The following LEPROTL1 variants were observed in gnomAD, a reference collection of about 807,000 sequenced individuals.
LEPROTL1 encodes the protein leptin receptor overlapping transcript like 1.
In LEPROTL1, 6 loss-of-function variants were observed where a neutral mutation model predicts 15.4. That is an observed-to-expected ratio of 0.39 (90% confidence interval 0.21 to 0.77). LEPROTL1 has a LOEUF of 0.77. Among genes scored for constraint, LEPROTL1 ranks in the 30% least tolerant of loss-of-function variants. The probability of loss-of-function intolerance (pLI) is 0.41; values close to 1 mark genes in which losing one functional copy is unlikely to be tolerated. For synonymous variants in LEPROTL1, 56 were observed against 52.6 expected (o/e 1.06, Z -0.28); for missense variants, 128 against 158.1 (o/e 0.81, Z 1.02).
chr8:30,112,747 G>T (rs1802674446), downstream of LEPROTL1, among the ~76,000 whole-genome samples: 1 of 151,868 alleles, frequency 6.6e-6, no homozygotes, highest in South Asian at 2.1e-4. Context: ...GATACTAATA[G>T]TATCTACCTC....
At chr8:30,132,942 C>T in intron 4 of LEPROTL1, 1 of 1,474,232 alleles carries the variant, frequency 6.8e-7, no homozygotes, top group East Asian at 2.5e-5. Flanking sequence ...TAAAAACACT[C>T]TGTATTTATT....
intron 3 of LEPROTL1, among the ~76,000 whole-genome samples, chr8:30,127,634 A>G (rs1408577369): frequency 1.3e-5 from 2 of 150,680 alleles, no homozygotes; most frequent in African/African-American, 4.9e-5. Flanking sequence ...GTGCCACTGC[A>G]TGCCAGCCTA....
chr8:30,122,884 A>T (rs1311425328), intron 3 of LEPROTL1, among the ~76,000 whole-genome samples: 2 of 152,194 alleles, frequency 1.3e-5, no homozygotes, highest in Non-Finnish European at 2.9e-5. Flanking sequence ...ACAGTTACCT[A>T]TTGCAGCATA....
At chr8:30,118,019 G>GGTGGT (rs751348725) in intron 3 of LEPROTL1, among the ~76,000 whole-genome samples, 8 of 26,772 alleles carry the variant, frequency 3.0e-4, no homozygotes, top group Non-Finnish European at 4.2e-4. Flanking sequence ...TTTTTGATTT[G>GGTGGT]TTTTTTTTTT....
chr8:30,115,643 C>A (rs1341223128), intron 3 of LEPROTL1, among the ~76,000 whole-genome samples: 1 of 129,394 alleles, frequency 7.7e-6, no homozygotes, highest in East Asian at 2.4e-4. Context: ...AAGGAAAAGA[C>A]AAAAGGCCCA....
downstream of LEPROTL1, among the ~76,000 whole-genome samples, chr8:30,110,367 G>A (rs187365315): frequency 7.3e-5 from 11 of 151,714 alleles, no homozygotes; most frequent in East Asian, 1.9e-4. Context: ...GCAGTACTCC[G>A]TGTGTGTGTG....
In LEPROTL1 at chr8:30,095,487, G is replaced by A; in HGVS notation, c.-26G>A. ...GCTGCTGCCGCCGCCGCCTCGGGTC[G>A]TGGAGCCAGGAGCGACGTCACCGCC... On this transcript the variant is annotated 5_prime_UTR_variant, in exon 1 of 4. It adds an upstream start codon to the 5' untranslated region. Coordinates refer to ENST00000321250, the MANE Select transcript of LEPROTL1 (RefSeq NM_015344.3). 2 of 1,463,580 alleles carry A rather than the reference G, an allele frequency of 1.4e-6. No individual in the cohort carries two copies. The highest frequency in any genetic ancestry group is 1.8e-6 in the Non-Finnish European group (2 of 1,112,086). 90.7% of individuals were successfully genotyped at this position (1,463,580 alleles called of 1,614,324 possible).
At position 30,120,635 on chromosome 8, in the gene LEPROTL1, A is replaced by G. The variant is rs138681680; in HGVS notation, c.280-11740A>G. ...AACCTTCGCCTCTCCGGCTTGAGCA[A>G]TCCTCCTGTCTCAGCCTCCCATGTA... On this transcript the variant is annotated intron_variant, in intron 3 of 4. Coordinates refer to the LEPROTL1 transcript ENST00000442880. Among the ~76,000 whole-genome samples, 5 of 152,164 alleles carry G rather than the reference A, an allele frequency of 3.3e-5. 1 individual carries two copies. The highest frequency in any genetic ancestry group is 4.8e-5 in the African/African-American group (2 of 41,504).
chr8:30,101,042 A>T (rs1050459630), intron 1 of LEPROTL1, among the ~76,000 whole-genome samples: 2 of 152,234 alleles, frequency 1.3e-5, no homozygotes, highest in Admixed American at 1.3e-4. Context: ...AACTATTTAA[A>T]GATTTGCAAC....
At chr8:30,136,343 T>C (rs1194806955) in intron 4 of LEPROTL1, among the ~76,000 whole-genome samples, 1 of 152,140 alleles carries the variant, frequency 6.6e-6, no homozygotes, top group Non-Finnish European at 1.5e-5. Context: ...CACGCGGACA[T>C]ACAGGGACAC....
intron 3 of LEPROTL1, among the ~76,000 whole-genome samples, chr8:30,115,859 C>T (rs1438652627): frequency 6.6e-6 from 1 of 151,734 alleles, no homozygotes; most frequent in East Asian, 1.9e-4. Context: ...ATTATAATAC[C>T]CAGGTAGTAC....
intron 2 of LEPROTL1, among the ~76,000 whole-genome samples, chr8:30,102,821 A>C (rs1802492178): frequency 6.6e-6 from 1 of 152,158 alleles, no homozygotes; most frequent in Non-Finnish European, 1.5e-5. Flanking sequence ...GCCTCACTCA[A>C]AACTAAACAA....
chr8:30,132,474 C>G (rs1180573105), exon 4 of LEPROTL1: 1 of 1,551,720 alleles, frequency 6.4e-7, no homozygotes, highest in Non-Finnish European at 8.7e-7. Flanking sequence ...CGTCCAGGAT[C>G]CAGTGGGAGT....
downstream of LEPROTL1, among the ~76,000 whole-genome samples, chr8:30,112,339 G>A (rs896287496): frequency 4.7e-5 from 7 of 147,880 alleles, no homozygotes; most frequent in Admixed American, 1.4e-4. Context: ...GGGTTCAAGC[G>A]ATTGTCCTGG....
At chr8:30,132,483 G>T in exon 4 of LEPROTL1, 1 of 1,551,754 alleles carries the variant, frequency 6.4e-7, no homozygotes, top group Non-Finnish European at 8.7e-7. Context: ...TCCAGTGGGA[G>T]TAGTAGGTGA....
At chr8:30,111,572 G>A (rs1478582751), downstream of LEPROTL1, among the ~76,000 whole-genome samples, 1 of 152,184 alleles carries the variant, frequency 6.6e-6, no homozygotes, top group African/African-American at 2.4e-5. Flanking sequence ...GTTCCCAGTG[G>A]CAGTTACATG....
At chr8:30,133,113 C>T (rs1282043483) in intron 4 of LEPROTL1, among the ~76,000 whole-genome samples, 1 of 152,014 alleles carries the variant, frequency 6.6e-6, no homozygotes, top group Non-Finnish European at 1.5e-5. Flanking sequence ...CATGGGGTCT[C>T]ACTATGTTGC....
At chr8:30,103,908 G>A (rs973286815) in intron 2 of LEPROTL1, among the ~76,000 whole-genome samples, 7 of 152,102 alleles carry the variant, frequency 4.6e-5, no homozygotes, top group Middle Eastern at 3.4e-3. Flanking sequence ...AAGAAGTTGT[G>A]AAAATCATAC....
intron 3 of LEPROTL1, among the ~76,000 whole-genome samples, chr8:30,119,253 T>C (rs1312306256): frequency 6.6e-6 from 1 of 152,152 alleles, no homozygotes; most frequent in Non-Finnish European, 1.5e-5. Context: ...GAGCTCAAGG[T>C]TGGGGCAAAG....
Sources: gnomAD v4.1 joint callset for allele counts (sites outside exome capture counted in the v4.1 genomes callset) on GRCh38, gnomAD v4.1.1 for gene constraint, MANE v1.5 for transcripts, NCBI Gene and HGNC (gene_info 2026-07-23, HGNC 2026-07-21) for gene names.